The following TMEM272 variants were observed in gnomAD, a reference collection of about 807,000 sequenced individuals.
The protein encoded by TMEM272 is long intergenic non-protein coding RNA 282.
In TMEM272, 8 loss-of-function variants were observed where a neutral mutation model predicts 3.7. The observed-to-expected ratio is 2.17, with a 90% CI of 1.27 to 3.91. TMEM272 has a LOEUF of 3.91. TMEM272 is among the 30% of genes most tolerant of loss of function. The pLI is 0.00. For missense variants in TMEM272, 166 were observed against 91.5 expected, an observed-to-expected ratio of 1.81 and a Z score of -3.32; for synonymous variants, 63 against 39.8, an observed-to-expected ratio of 1.58 and a Z score of -2.20.
intron 1 of TMEM272, among the ~76,000 whole-genome samples, chr13:51,844,721 C>A (rs1046591152): frequency 1.3e-5 from 2 of 152,192 alleles, no homozygotes; most frequent in African/African-American, 2.4e-5. Flanking sequence ...GGTCCCCACT[C>A]GCTGTCCTGC....
chr13:51,895,616 A>C, the TMEM272 span, among the ~76,000 whole-genome samples: 1 of 152,094 alleles, frequency 6.6e-6, no homozygotes, highest in Non-Finnish European at 1.5e-5. Context: ...AAGATAGCAG[A>C]CCAGGCATTT....
chr13:51,909,020 A>G, the TMEM272 span: 1 of 1,470,960 alleles, frequency 6.8e-7, no homozygotes, highest in Non-Finnish European at 9.5e-7. Flanking sequence ...ACAAAGTCGG[A>G]AGATAGAGAA....
At chr13:51,853,756 A>G in the TMEM272 span, among the ~76,000 whole-genome samples, 2 of 152,228 alleles carry the variant, frequency 1.3e-5, no homozygotes, top group South Asian at 2.1e-4. Context: ...ATATATGAAA[A>G]AGCAAGCCAC....
chr13:51,816,636 T>TA lies in TMEM272; in HGVS notation c.*114dup. ...CCTTCAGGGAAGGTTTTATTACCTTTATGCCCTTCTCTGAACCTGTGTGTG... is the reference window on the plus strand; with the variant it reads ...CCTTCAGGGAAGGTTTTATTACCTTTAATGCCCTTCTCTGAACCTGTGTGTG... On this transcript the variant is annotated 3_prime_UTR_variant, in exon 5 of 5. Coordinates refer to ENST00000629372, the MANE Select transcript of TMEM272 (RefSeq NM_001351003.2). 1.7e-6 allele frequency: 1 copy of TA among 603,768 alleles called. No homozygotes were observed. Among genetic ancestry groups the TA allele is most frequent in the East Asian group, 2.8e-5 (1 of 36,330 alleles). 37.4% of individuals were successfully genotyped at this position (603,768 alleles called of 1,614,324 possible).
the TMEM272 span, among the ~76,000 whole-genome samples, chr13:51,863,716 A>G: frequency 7.2e-6 from 1 of 138,186 alleles, no homozygotes; most frequent in Non-Finnish European, 1.5e-5. Flanking sequence ...CACACCAGCT[A>G]TGTGTCTTTT....
chr13:51,911,453 G>A, the TMEM272 span, among the ~76,000 whole-genome samples: 2 of 152,150 alleles, frequency 1.3e-5, no homozygotes, highest in Non-Finnish European at 2.9e-5. Flanking sequence ...TACCTGCTCT[G>A]TGTCCATTTC....
At chr13:51,928,045 C>T in the TMEM272 span, among the ~76,000 whole-genome samples, 1 of 152,062 alleles carries the variant, frequency 6.6e-6, no homozygotes, top group South Asian at 2.1e-4. Flanking sequence ...TTCCACTGGA[C>T]CCAGGGCACA....
At chr13:51,819,523 C>G (rs1199074640) in intron 4 of TMEM272, among the ~76,000 whole-genome samples, 3 of 152,202 alleles carry the variant, frequency 2.0e-5, no homozygotes, top group African/African-American at 7.2e-5. Flanking sequence ...AGGAAAGAGC[C>G]GTGGCAAGTG....
the TMEM272 span, among the ~76,000 whole-genome samples, chr13:51,895,247 T>C: frequency 6.6e-6 from 1 of 152,134 alleles, no homozygotes; most frequent in Admixed American, 6.5e-5. Context: ...CTGGCTGAGA[T>C]GCATGTGGTA....
intron 4 of TMEM272, among the ~76,000 whole-genome samples, chr13:51,820,719 C>T (rs979866284): frequency 3.3e-5 from 5 of 152,174 alleles, no homozygotes; most frequent in African/African-American, 9.7e-5. Context: ...ATCTCTATGG[C>T]ACTCAAACCG....
At chr13:51,843,815 G>A (rs1956281371) in intron 1 of TMEM272, among the ~76,000 whole-genome samples, 1 of 152,220 alleles carries the variant, frequency 6.6e-6, no homozygotes, top group Non-Finnish European at 1.5e-5. Context: ...CCTAGCAGCT[G>A]AGTGATAATA....
chr13:51,911,449 C>T, the TMEM272 span, among the ~76,000 whole-genome samples: 2 of 152,190 alleles, frequency 1.3e-5, no homozygotes, highest in African/African-American at 4.8e-5. Context: ...AACATACCTG[C>T]TCTGTGTCCA....
upstream of TMEM272, among the ~76,000 whole-genome samples, chr13:51,849,090 C>T (rs912179367): frequency 6.6e-6 from 1 of 152,106 alleles, no homozygotes; most frequent in Non-Finnish European, 1.5e-5. Flanking sequence ...TGACTTTTCC[C>T]AGCATTTTAA....
At chr13:51,864,040 G>A in the TMEM272 span, among the ~76,000 whole-genome samples, 2 of 152,024 alleles carry the variant, frequency 1.3e-5, no homozygotes, top group African/African-American at 2.4e-5. Flanking sequence ...TGATTCCTCA[G>A]ATATATGGCA....
chr13:51,905,976 C>T, the TMEM272 span, among the ~76,000 whole-genome samples: 19 of 152,200 alleles, frequency 1.2e-4, no homozygotes, highest in Admixed American at 3.3e-4. Flanking sequence ...GATGAAGCTC[C>T]ACCACTGCAC....
At chr13:51,915,725 TCTCA>T in the TMEM272 span, among the ~76,000 whole-genome samples, 1 of 152,226 alleles carries the variant, frequency 6.6e-6, no homozygotes, top group African/African-American at 2.4e-5. Context: ...TCTGAATAGA[TCTCA>T]CTCATTCAAA....
At chr13:51,860,820 T>A in the TMEM272 span, among the ~76,000 whole-genome samples, 4 of 147,022 alleles carry the variant, frequency 2.7e-5, no homozygotes, top group African/African-American at 1.0e-4. Context: ...TATATAGAAG[T>A]GTGTGTGTGT....
chr13:51,829,386 G>A (rs1956153655), intron 2 of TMEM272, among the ~76,000 whole-genome samples: 1 of 152,180 alleles, frequency 6.6e-6, no homozygotes, highest in East Asian at 1.9e-4. Flanking sequence ...CTTCTTTCCT[G>A]CTTTTTGAAC....
chr13:51,832,815 A>T (rs1358032104), intron 2 of TMEM272, among the ~76,000 whole-genome samples: 1 of 152,220 alleles, frequency 6.6e-6, no homozygotes, highest in Non-Finnish European at 1.5e-5. Context: ...CTTTATAGAT[A>T]TTCAGCTATT....
Sources: allele counts gnomAD v4.1 joint callset (sites outside exome capture counted in the v4.1 genomes callset), GRCh38; gene constraint gnomAD v4.1.1; transcripts MANE v1.5; gene names NCBI Gene and HGNC (gene_info 2026-07-23, HGNC 2026-07-21).